Variants in DSCAML1 observed in about 807,000 individuals in gnomAD.
DSCAML1 encodes cell adhesion molecule DSCAML1.
DSCAML1 carries 38 observed loss-of-function variants against 200.5 expected under a neutral mutation model. The observed-to-expected ratio is 0.19, with a 90% CI of 0.15 to 0.25. The LOEUF (loss-of-function observed/expected upper bound fraction) is 0.25. Among genes scored for constraint, DSCAML1 ranks in the 10% least tolerant of loss-of-function variants. The probability of loss-of-function intolerance (pLI) is 1.00; values close to 1 mark genes in which losing one functional copy is unlikely to be tolerated. For missense variants in DSCAML1, 2,223 were observed against 2,858.8 expected (o/e 0.78, Z 5.07); for synonymous variants, 1,215 against 1,165.0 (o/e 1.04, Z -0.87).
chr11:117,649,041 A>ATGTGTGTGTG lies in DSCAML1; in HGVS notation c.512-116529_512-116520dup, dbSNP rs58257943. On this transcript the variant is annotated intron_variant, in intron 3 of 32. Transcript: ENST00000651296. ...TCTCGCTCTCTCTCTCTCCATATAT[A>ATGTGTGTGTG]TGTGTGTGTGTGTGTGTGTGTGTGT... Among the ~76,000 whole-genome samples, 15 of 137,930 alleles carry ATGTGTGTGTG rather than the reference A, an allele frequency of 1.1e-4. No homozygotes were observed. The South Asian group carries it at 2.8e-3, about 26-fold the overall frequency. The allele number at this position is 137,930 out of a possible 152,430, so 90.5% of individuals were successfully genotyped here.
At chr11:117,627,184 G>A (rs1226023367) in intron 3 of DSCAML1, among the ~76,000 whole-genome samples, 2 of 152,134 alleles carry the variant, frequency 1.3e-5, no homozygotes, top group East Asian at 1.9e-4. Context: ...GGATGTGACC[G>A]TGCTTATCCC....
chr11:117,478,019 T>C (rs2048832573), intron 14 of DSCAML1, among the ~76,000 whole-genome samples: 1 of 152,230 alleles, frequency 6.6e-6, no homozygotes, highest in Non-Finnish European at 1.5e-5. Flanking sequence ...CTGGCATTCC[T>C]AGCTGGGGTG....
chr11:117,763,291 C>T (rs1172743252), intron 3 of DSCAML1, among the ~76,000 whole-genome samples: 1 of 152,054 alleles, frequency 6.6e-6, no homozygotes, highest in Non-Finnish European at 1.5e-5. Context: ...GATCAGGATC[C>T]TTGGCAGTGA....
chr11:117,481,045 C>T, intron 13 of DSCAML1, 129 bp downstream of exon 13: 1 of 880,444 alleles, frequency 1.1e-6, no homozygotes, highest in Non-Finnish European at 1.8e-6. Flanking sequence ...AGGCTTTTCC[C>T]CAGAAGGCAG....
intron 3 of DSCAML1, among the ~76,000 whole-genome samples, chr11:117,744,004 C>T (rs964102207): frequency 1.3e-5 from 2 of 152,146 alleles, no homozygotes; most frequent in Admixed American, 6.6e-5. Flanking sequence ...CACTCAGCTC[C>T]GGATTATTGC....
rs187942692 is a variant in DSCAML1, at chr11:117,759,253, A to G, written c.511+17538T>C. On this transcript the variant is annotated intron_variant, in intron 3 of 32. Coordinates refer to ENST00000651296, the MANE Select transcript of DSCAML1 (RefSeq NM_020693.4). ...CCTATAGCCCTGACAAACCAATTCTACCACCTGCATGTGCCACCTGTGAAC... is the reference window on the plus strand; with the variant it reads ...CCTATAGCCCTGACAAACCAATTCTGCCACCTGCATGTGCCACCTGTGAAC... Among the ~76,000 whole-genome samples, 5 of 152,196 alleles carry G rather than the reference A, an allele frequency of 3.3e-5. No homozygotes were observed. The East Asian group carries it at 9.7e-4, about 29-fold the overall frequency.
intron 3 of DSCAML1, among the ~76,000 whole-genome samples, chr11:117,557,137 C>T (rs1050030863): frequency 6.6e-6 from 1 of 152,064 alleles, no homozygotes; most frequent in African/African-American, 2.4e-5. Context: ...ATTTAAGATG[C>T]CCGTAGTTAG....
intron 3 of DSCAML1, among the ~76,000 whole-genome samples, chr11:117,723,155 G>C (rs2054067961): frequency 6.6e-6 from 1 of 152,226 alleles, no homozygotes; most frequent in African/African-American, 2.4e-5. Context: ...TAGTATGTTA[G>C]CTGTTAGCTA....
chr11:117,513,241 C>T (rs747795470), intron 8 of DSCAML1, among the ~76,000 whole-genome samples: 17 of 152,016 alleles, frequency 1.1e-4, no homozygotes, highest in Admixed American at 2.6e-4. Flanking sequence ...ATGACAGGGG[C>T]GGGGATGTGG....
intron 1 of DSCAML1, among the ~76,000 whole-genome samples, chr11:117,793,040 C>G (rs1019941570): frequency 1.3e-5 from 2 of 152,338 alleles, no homozygotes; most frequent in East Asian, 3.9e-4. Context: ...TTCCCCACCC[C>G]CTTCCATGCA....
chr11:117,644,155 G>A lies in DSCAML1; in HGVS notation c.512-111633C>T, dbSNP rs1299911131. On this transcript the variant is annotated intron_variant, in intron 3 of 32. Coordinates refer to ENST00000651296, the MANE Select transcript of DSCAML1 (RefSeq NM_020693.4). ...GCCCGGTCGGCCTGCCCCTTGACTC[G>A]GGCGCTTCCTCTCTCTCCAGAAAAA... Among the ~76,000 whole-genome samples the A allele has an allele frequency of 2.6e-5, 4 of 152,292 alleles. No individual in the cohort carries two copies. In the South Asian group the frequency reaches 8.3e-4, roughly 32 times the overall value.
At chr11:117,482,964 C>A (rs1217522444) in intron 11 of DSCAML1, among the ~76,000 whole-genome samples, 1 of 152,210 alleles carries the variant, frequency 6.6e-6, no homozygotes, top group African/African-American at 2.4e-5. Flanking sequence ...ACCCTGGACA[C>A]CACTACAAGA....
At chr11:117,703,979 G>A (rs1436609610) in intron 3 of DSCAML1, among the ~76,000 whole-genome samples, 1 of 152,186 alleles carries the variant, frequency 6.6e-6, no homozygotes, top group Non-Finnish European at 1.5e-5. Flanking sequence ...TTTTACAGAT[G>A]AGGAAAATGA....
At chr11:117,715,013 G>A (rs367746252) in intron 3 of DSCAML1, among the ~76,000 whole-genome samples, 2 of 152,066 alleles carry the variant, frequency 1.3e-5, no homozygotes, top group East Asian at 3.9e-4. Context: ...CATGCCAGGA[G>A]GAAGAGGAAG....
chr11:117,663,953 A>G (rs889130801), intron 3 of DSCAML1, among the ~76,000 whole-genome samples: 2 of 152,220 alleles, frequency 1.3e-5, no homozygotes, highest in Non-Finnish European at 2.9e-5. Context: ...GCTGAGCTGT[A>G]ACAAGTACAG....
chr11:117,739,307 G>T (rs2054379513), intron 3 of DSCAML1, among the ~76,000 whole-genome samples: 1 of 152,176 alleles, frequency 6.6e-6, no homozygotes, highest in Admixed American at 6.5e-5. Flanking sequence ...CATCACCTGA[G>T]AGACTGTTAG....
intron 16 of DSCAML1, among the ~76,000 whole-genome samples, chr11:117,467,371 C>T (rs2048604778): frequency 6.6e-6 from 1 of 152,188 alleles, no homozygotes; most frequent in South Asian, 2.1e-4. Flanking sequence ...TAAATTGAGA[C>T]AGAACACCCA....
At chr11:117,537,689 C>T (rs750978326) in intron 3 of DSCAML1, among the ~76,000 whole-genome samples, 1 of 152,118 alleles carries the variant, frequency 6.6e-6, no homozygotes, top group African/African-American at 2.4e-5. Flanking sequence ...GACTAGTGTT[C>T]GTCTAAGAAG....
chr11:117,500,380 CTCTG>C (rs1182341888), intron 11 of DSCAML1, among the ~76,000 whole-genome samples: 2 of 152,234 alleles, frequency 1.3e-5, no homozygotes, highest in Admixed American at 6.5e-5. Context: ...AGAACGGCAG[CTCTG>C]TCTGACTCAT....
Sources: gnomAD v4.1 joint callset for allele counts (sites outside exome capture counted in the v4.1 genomes callset) on GRCh38, gnomAD v4.1.1 for gene constraint, MANE v1.5 for transcripts, NCBI Gene and HGNC (gene_info 2026-07-23, HGNC 2026-07-21) for gene names.